Variants in NDUFAF2 observed in about 807,000 individuals in gnomAD.
NDUFAF2 encodes NADH dehydrogenase [ubiquinone] 1 alpha subcomplex assembly factor 2.
A neutral mutation model predicts 22.8 loss-of-function variants in NDUFAF2; 13 were observed. That is an observed-to-expected ratio of 0.57 (90% CI 0.37 to 0.91). NDUFAF2 has a LOEUF of 0.91. Ranked by LOEUF, NDUFAF2 falls within the 40% of genes least tolerant of loss-of-function variation. NDUFAF2 has a pLI of 0.01. For synonymous variants in NDUFAF2, 53 were observed against 64.2 expected (o/e 0.83, Z 0.84); for missense variants, 162 against 195.2 (o/e 0.83, Z 1.01).
At chr5:60,966,873 C>G (rs1338743881) in intron 1 of NDUFAF2, among the ~76,000 whole-genome samples, 2 of 152,090 alleles carry the variant, frequency 1.3e-5, no homozygotes, top group East Asian at 3.9e-4. Context: ...TTCACTATTT[C>G]TGTAAAAAGT....
intron 3 of NDUFAF2, among the ~76,000 whole-genome samples, chr5:61,151,229 A>G (rs1741234071): frequency 6.6e-6 from 1 of 152,234 alleles, no homozygotes; most frequent in Admixed American, 6.5e-5. Flanking sequence ...ATTACTTGAA[A>G]TTCACTTGAG....
chr5:61,012,160 T>G (rs1242852363), intron 1 of NDUFAF2, among the ~76,000 whole-genome samples: 2 of 152,288 alleles, frequency 1.3e-5, no homozygotes, highest in East Asian at 3.9e-4. Flanking sequence ...TCTCACATCT[T>G]TATGTTCCTC....
chr5:61,152,538 A>C (rs1239156537), intron 3 of NDUFAF2, among the ~76,000 whole-genome samples, 166 bp from the exon 4 acceptor site: 1 of 152,148 alleles, frequency 6.6e-6, no homozygotes, highest in Non-Finnish European at 1.5e-5. Flanking sequence ...GTATGTAATC[A>C]TACAGCTTTT....
intron 1 of NDUFAF2, among the ~76,000 whole-genome samples, chr5:61,018,143 A>G (rs1346677712): frequency 6.6e-6 from 1 of 152,230 alleles, no homozygotes; most frequent in East Asian, 1.9e-4. Context: ...ACTGTTATCT[A>G]TGCTCTTGAG....
chr5:61,047,958 A>C (rs1751973764), intron 1 of NDUFAF2, among the ~76,000 whole-genome samples: 1 of 152,210 alleles, frequency 6.6e-6, no homozygotes, highest in South Asian at 2.1e-4. Context: ...GAATAAAAGA[A>C]CAAAGAAAGT....
At chr5:60,985,632 C>G (rs1359315470) in intron 1 of NDUFAF2, among the ~76,000 whole-genome samples, 1 of 152,140 alleles carries the variant, frequency 6.6e-6, no homozygotes, top group African/African-American at 2.4e-5. Context: ...ATTTTTATTT[C>G]TGCCTTCATT....
chr5:61,062,411 A>C (rs1386222328), intron 1 of NDUFAF2, among the ~76,000 whole-genome samples: 5 of 152,128 alleles, frequency 3.3e-5, no homozygotes, highest in Non-Finnish European at 7.4e-5. Flanking sequence ...TCAATCAATG[A>C]AATTAAAGAT....
At chr5:60,960,466 A>C (rs977928390) in intron 1 of NDUFAF2, among the ~76,000 whole-genome samples, 1 of 152,192 alleles carries the variant, frequency 6.6e-6, no homozygotes, top group Non-Finnish European at 1.5e-5. Context: ...TGTAAATCAC[A>C]TGAAACTATT....
intron 1 of NDUFAF2, among the ~76,000 whole-genome samples, chr5:61,023,466 T>G (rs1044713391): frequency 1.3e-5 from 2 of 152,146 alleles, no homozygotes; most frequent in African/African-American, 4.8e-5. Flanking sequence ...CTTCAATTTA[T>G]AATTTTTTAT....
intron 1 of NDUFAF2, among the ~76,000 whole-genome samples, chr5:60,965,780 T>G (rs920974537): frequency 3.3e-5 from 5 of 152,186 alleles, no homozygotes; most frequent in Non-Finnish European, 7.3e-5. Flanking sequence ...AATAGACACT[T>G]AAGTTAATTC....
intron 1 of NDUFAF2, among the ~76,000 whole-genome samples, chr5:60,964,949 C>T (rs1471958517): frequency 1.3e-5 from 2 of 152,112 alleles, no homozygotes; most frequent in East Asian, 1.9e-4. Flanking sequence ...CAACTAAATC[C>T]TTTGTCACGT....
At chr5:60,981,023 A>C (rs1750969606) in intron 1 of NDUFAF2, among the ~76,000 whole-genome samples, 1 of 152,174 alleles carries the variant, frequency 6.6e-6, no homozygotes, top group Non-Finnish European at 1.5e-5. Context: ...AGTTTATTCA[A>C]AGAGGTAATA....
chr5:61,002,138 A>G (rs1751304870), intron 1 of NDUFAF2, among the ~76,000 whole-genome samples: 1 of 152,134 alleles, frequency 6.6e-6, no homozygotes, highest in Admixed American at 6.6e-5. Context: ...GAGAATCAAA[A>G]GGAGCTCAAC....
At chr5:60,981,822 T>G (rs1050517919) in intron 1 of NDUFAF2, among the ~76,000 whole-genome samples, 28 of 152,192 alleles carry the variant, frequency 1.8e-4, no homozygotes, top group African/African-American at 6.5e-4. Flanking sequence ...GAACTCATTT[T>G]CAGCAGAGAT....
At chr5:61,038,691 CTGAT>C (rs1751833478) in intron 1 of NDUFAF2, among the ~76,000 whole-genome samples, 1 of 152,050 alleles carries the variant, frequency 6.6e-6, no homozygotes, top group African/African-American at 2.4e-5. Context: ...CTAAAAGAAA[CTGAT>C]TGGTGTTGGA....
At chr5:61,033,608 A>G (rs1265526658) in intron 1 of NDUFAF2, among the ~76,000 whole-genome samples, 2 of 152,160 alleles carry the variant, frequency 1.3e-5, no homozygotes, top group African/African-American at 4.8e-5. Context: ...AAATATGTAT[A>G]CATACAAATT....
chr5:61,057,634 C>A (rs1176864440), intron 1 of NDUFAF2, among the ~76,000 whole-genome samples: 1 of 152,034 alleles, frequency 6.6e-6, no homozygotes, highest in Non-Finnish European at 1.5e-5. Context: ...CTCTGAACCC[C>A]TCCCTTAACC....
chr5:61,079,630 T>C (rs1752415907), intron 2 of NDUFAF2, among the ~76,000 whole-genome samples: 1 of 152,264 alleles, frequency 6.6e-6, no homozygotes, highest in African/African-American at 2.4e-5. Context: ...TCTTGCATTG[T>C]TTCTGACCTT....
intron 1 of NDUFAF2, among the ~76,000 whole-genome samples, chr5:60,986,342 G>T (rs1156882258): frequency 1.3e-5 from 2 of 152,024 alleles, no homozygotes; most frequent in Non-Finnish European, 2.9e-5. Context: ...ACAGTTATAT[G>T]GCAATTAAAC....
Sources: gnomAD v4.1 joint callset for allele counts (sites outside exome capture counted in the v4.1 genomes callset) on GRCh38, gnomAD v4.1.1 for gene constraint, MANE v1.5 for transcripts, NCBI Gene and HGNC (gene_info 2026-07-23, HGNC 2026-07-21) for gene names.